The following CDH12 variants were observed in gnomAD, a reference collection of about 807,000 sequenced individuals.
The protein encoded by CDH12 is cadherin 12, also known as cadherin-12.
CDH12 carries 41 observed loss-of-function variants against 74.1 expected under a neutral mutation model. That is an observed-to-expected ratio of 0.55 (90% confidence interval 0.43 to 0.72). The LOEUF (loss-of-function observed/expected upper bound fraction) is 0.72. CDH12 is among the 30% of genes least tolerant of loss of function. The probability of loss-of-function intolerance (pLI) is 0.00; values close to 1 mark genes in which losing one functional copy is unlikely to be tolerated. For synonymous variants in CDH12, 399 were observed against 355.0 expected (o/e 1.12, Z -1.39); for missense variants, 945 against 977.2 (o/e 0.97, Z 0.44).
Position 22,603,300 on chromosome 5 carries a change from T to A in CDH12, c.-522-97936A>T, listed in dbSNP as rs544996234. ...TATTTTACCACACTAAAATAGTTAC[T>A]GCTAAGATGTTGGTAAAAATGAGAT... On this transcript the variant is annotated intron_variant, in intron 1 of 14. Coordinates refer to ENST00000382254, the MANE Select transcript of CDH12 (RefSeq NM_004061.5). 9.2e-5 allele frequency among the ~76,000 whole-genome samples: 14 copies of A among 152,318 alleles called. 1 individual carries two copies. The highest frequency in any genetic ancestry group is 3.1e-4 in the African/African-American group (13 of 41,576).
chr5:22,045,602 C>CAAAAAAAAAAAA (rs34753862), intron 5 of CDH12, among the ~76,000 whole-genome samples: 1 of 112,926 alleles, frequency 8.9e-6, no homozygotes, highest in African/African-American at 2.9e-5. Context: ...ACTATTCAGC[C>CAAAAAAAAAAAA]AAAAAAAAAA....
chr5:22,842,302 C>A (rs1322314267), intron 1 of CDH12, among the ~76,000 whole-genome samples: 1 of 151,682 alleles, frequency 6.6e-6, no homozygotes, highest in Non-Finnish European at 1.5e-5. Flanking sequence ...TATGCATAGA[C>A]AGCTAAAAAA....
chr5:22,027,121 G>T (rs1490180294), intron 5 of CDH12, among the ~76,000 whole-genome samples: 2 of 151,932 alleles, frequency 1.3e-5, no homozygotes, highest in South Asian at 2.1e-4. Flanking sequence ...TACATTTTTT[G>T]ATTTGCGTAT....
Position 22,405,347 on chromosome 5 carries a change from C to G in CDH12, c.-423G>C. 1.1e-6 allele frequency: 1 copy of G among 950,280 alleles called. No individual in the cohort carries two copies. The highest frequency in any genetic ancestry group is 1.3e-6 in the Non-Finnish European group (1 of 797,912). 58.9% of individuals were successfully genotyped at this position (950,280 alleles called of 1,614,324 possible). A position where few individuals can be genotyped will look rare whatever the true frequency, so the allele number is the denominator to read the frequency against. Reference sequence around the variant, plus strand: ...AACTTGATTCTATAGCACTGGACATCAAAGCTGAAAAATATGTAAAGAAAA... The same window carrying G: ...AACTTGATTCTATAGCACTGGACATGAAAGCTGAAAAATATGTAAAGAAAA... On this transcript the variant is annotated 5_prime_UTR_variant, in exon 3 of 15. The change abolishes the stop of an existing upstream ORF in the 5' untranslated region. Coordinates refer to ENST00000382254, the MANE Select transcript of CDH12 (RefSeq NM_004061.5).
At chr5:22,181,406 C>T (rs1749639090) in intron 4 of CDH12, among the ~76,000 whole-genome samples, 1 of 152,116 alleles carries the variant, frequency 6.6e-6, no homozygotes, top group Admixed American at 6.6e-5. Context: ...TTAGACATCT[C>T]ATCTTCTATG....
intron 1 of CDH12, among the ~76,000 whole-genome samples, chr5:22,771,688 A>G (rs1746813855): frequency 6.6e-6 from 1 of 152,168 alleles, no homozygotes; most frequent in Non-Finnish European, 1.5e-5. Context: ...TTCATGCAAA[A>G]TTACTTTAAT....
At chr5:22,043,247 G>A (rs543844978) in intron 5 of CDH12, among the ~76,000 whole-genome samples, 14 of 152,200 alleles carry the variant, frequency 9.2e-5, no homozygotes, top group South Asian at 4.1e-4. Context: ...ATTATTCACC[G>A]TGAGCAAGTG....
intron 2 of CDH12, among the ~76,000 whole-genome samples, chr5:22,468,666 AC>A (rs1745836188): frequency 6.6e-6 from 1 of 152,108 alleles, no homozygotes; most frequent in Non-Finnish European, 1.5e-5. Context: ...AACCTATAAA[AC>A]ATTTTTATCT....
chr5:22,489,925 C>T (rs1746791536), intron 2 of CDH12, among the ~76,000 whole-genome samples: 1 of 152,042 alleles, frequency 6.6e-6, no homozygotes, highest in Non-Finnish European at 1.5e-5. Context: ...AAGTGAGATC[C>T]TGCCTCGGCC....
chr5:21,903,528 G>A lies in CDH12; in HGVS notation c.527-48738C>T, dbSNP rs1753495263. 2.0e-5 allele frequency among the ~76,000 whole-genome samples: 3 copies of A among 152,066 alleles called. No individual in the cohort carries two copies. The South Asian group carries it at 6.2e-4, about 32-fold the overall frequency. The stretch of plus-strand genomic sequence containing the variant: ...TTCGTTATCTTAAAGGGGGAAAAGA[G>A]TGTCTTGGACACCAGCCTTAGCTGT... On this transcript the variant is annotated intron_variant, in intron 6 of 14. Transcript: ENST00000382254.
chr5:22,636,843 G>A (rs1738867684), intron 1 of CDH12, among the ~76,000 whole-genome samples: 1 of 152,144 alleles, frequency 6.6e-6, no homozygotes, highest in Non-Finnish European at 1.5e-5. Flanking sequence ...TCAATAAAAT[G>A]TCTTAAAAAG....
chr5:22,414,867 G>A (rs1458519194), intron 2 of CDH12, among the ~76,000 whole-genome samples: 2 of 151,862 alleles, frequency 1.3e-5, no homozygotes, highest in Non-Finnish European at 2.9e-5. Flanking sequence ...AAAATAATTT[G>A]AGTTAATTAA....
intron 2 of CDH12, among the ~76,000 whole-genome samples, chr5:22,503,044 G>GA (rs1017351505): frequency 1.3e-5 from 2 of 151,608 alleles, no homozygotes; most frequent in East Asian, 1.9e-4. Flanking sequence ...ACTACAGGAA[G>GA]AAAAAAAATG....
chr5:22,539,494 A>G (rs1738002448), intron 1 of CDH12, among the ~76,000 whole-genome samples: 1 of 152,218 alleles, frequency 6.6e-6, no homozygotes, highest in Non-Finnish European at 1.5e-5. Flanking sequence ...GTTCTTGAGA[A>G]AGGCAATGAA....
chr5:22,306,060 C>T (rs1014239785), intron 3 of CDH12, among the ~76,000 whole-genome samples: 1 of 152,136 alleles, frequency 6.6e-6, no homozygotes, highest in South Asian at 2.1e-4. Flanking sequence ...TTATAATTCT[C>T]TCCCTGTGCC....
intron 1 of CDH12, among the ~76,000 whole-genome samples, chr5:22,807,172 G>C (rs1453469175): frequency 2.6e-5 from 4 of 152,154 alleles, no homozygotes; most frequent in African/African-American, 7.2e-5. Flanking sequence ...AAATTATATA[G>C]AGCAACATAA....
At chr5:22,080,900 C>G (rs1742681604) in intron 4 of CDH12, among the ~76,000 whole-genome samples, 1 of 152,040 alleles carries the variant, frequency 6.6e-6, no homozygotes, top group African/African-American at 2.4e-5. Context: ...CTGACTCAGC[C>G]TCCCGAGTAG....
In CDH12 at chr5:22,266,662, T is replaced by C. The variant is rs1284934768; in HGVS notation, c.-332-54019A>G. Reference sequence around the variant, plus strand: ...CTTTATGTTATGTTAGAAATGAACATATATTTGGATTAGAGAGTACAGATT... The same window carrying C: ...CTTTATGTTATGTTAGAAATGAACACATATTTGGATTAGAGAGTACAGATT... On this transcript the variant is annotated intron_variant, in intron 3 of 14. Transcript: ENST00000382254. Among the ~76,000 whole-genome samples, 7 of 152,086 alleles carry C rather than the reference T, an allele frequency of 4.6e-5. No individual in the cohort carries two copies. The East Asian group carries it at 1.2e-3, about 25-fold the overall frequency.
In CDH12 at chr5:22,491,726, G is replaced by A. The variant is rs191816777; in HGVS notation, c.-428+13544C>T. On this transcript the variant is annotated intron_variant, in intron 2 of 14. Transcript: ENST00000382254. ...TCAGAGCCATCCTGGACCACTGGCT[G>A]TGGGCTGTGGGTTGGACAAGCTTGG... 2.2e-3 allele frequency among the ~76,000 whole-genome samples: 334 copies of A among 152,190 alleles called. 5 individuals carry two copies. The South Asian group carries it at 0.04, about 18-fold the overall frequency.
Sources: gnomAD v4.1 joint callset for allele counts (sites outside exome capture counted in the v4.1 genomes callset) on GRCh38, gnomAD v4.1.1 for gene constraint, MANE v1.5 for transcripts, NCBI Gene and HGNC (gene_info 2026-07-23, HGNC 2026-07-21) for gene names.